CDH22: variants seen among roughly 807,000 people sequenced by gnomAD.
The protein encoded by CDH22 is cadherin 22, also known as cadherin-22.
Under a neutral mutation model 58.4 loss-of-function variants are expected in CDH22, and 30 were observed. That is an observed-to-expected ratio of 0.51 (90% CI 0.38 to 0.70). The LOEUF (loss-of-function observed/expected upper bound fraction) is 0.70, where lower values mean the gene tolerates loss of function less well. Ranked by LOEUF, CDH22 falls within the 30% of genes least tolerant of loss-of-function variation. CDH22 has a pLI of 0.00. For missense variants in CDH22, 1,014 were observed against 1,233.9 expected, an observed-to-expected ratio of 0.82 and a Z score of 2.67; for synonymous variants, 513 against 558.2, an observed-to-expected ratio of 0.92 and a Z score of 1.14.
rs2086648353 is a variant in CDH22 at position 46,300,870 on chromosome 20, G to A, written c.-400+7385C>T. ...GTTCATGGCAGAATTGTTTGTAATA[G>A]CGAAGGACTGGAAACAACCCAAATG... On this transcript the variant is annotated intron_variant, in intron 1 of 11. Transcript: ENST00000537909. This position sits in a 1 kb window ranked among gnomAD's most constrained non-coding sequence, Gnocchi z 4.4. Among the ~76,000 whole-genome samples the A allele has an allele frequency of 6.6e-6, 1 of 152,160 alleles. No homozygotes were observed. Among genetic ancestry groups the A allele is most frequent in the Admixed American group, 6.5e-5 (1 of 15,288 alleles).
intron 1 of CDH22, among the ~76,000 whole-genome samples, chr20:46,252,435 G>A (rs143803053): frequency 8.5e-5 from 13 of 152,296 alleles, no homozygotes; most frequent in African/African-American, 2.6e-4. Context: ...CCAGCCTGCC[G>A]TCCCCAGATC....
intron 4 of CDH22, among the ~76,000 whole-genome samples, chr20:46,224,051 C>A (rs8117314): frequency 6.6e-6 from 1 of 151,994 alleles, no homozygotes; most frequent in Non-Finnish European, 1.5e-5. Flanking sequence ...TCGGGTTTCA[C>A]CATGTTGGCC....
chr20:46,216,691 A>G lies in CDH22; in HGVS notation c.838+135T>C. 1 of 864,918 alleles carries G rather than the reference A, an allele frequency of 1.2e-6. No individual in the cohort carries two copies. 53.6% of individuals were successfully genotyped at this position (864,918 alleles called of 1,614,324 possible). A position where few individuals can be genotyped will look rare whatever the true frequency, so the allele number is the denominator to read the frequency against. The stretch of plus-strand genomic sequence containing the variant: ...GATAGCTGGTGGCTTGGGAGGACAG[A>G]CAGACAGACAGAAAGAGAGGGGGAA... On this transcript the variant is annotated intron_variant, in intron 5 of 11. Transcript: ENST00000537909. The surrounding 1 kb of genome is among the most constrained non-coding windows in gnomAD (Gnocchi z 5.3).
At chr20:46,304,117 AG>A (rs2145788391) in intron 1 of CDH22, among the ~76,000 whole-genome samples, 1 of 152,252 alleles carries the variant, frequency 6.6e-6, no homozygotes, top group South Asian at 2.1e-4. Flanking sequence ...CTCAAGGCAA[AG>A]GAAGAAGGAT....
intron 1 of CDH22, among the ~76,000 whole-genome samples, chr20:46,290,097 G>A (rs1009428441): frequency 6.6e-6 from 1 of 152,208 alleles, no homozygotes; most frequent in African/African-American, 2.4e-5. Flanking sequence ...GTGGTCAACT[G>A]GTTTTGAGAA....
At chr20:46,224,904 G>C (rs1487994474) in intron 4 of CDH22, among the ~76,000 whole-genome samples, 1 of 152,250 alleles carries the variant, frequency 6.6e-6, no homozygotes, top group Non-Finnish European at 1.5e-5. Context: ...TGTCAAGAAA[G>C]GGCGCAGGCT....
intron 8 of CDH22, among the ~76,000 whole-genome samples, chr20:46,187,749 T>C (rs2085836650): frequency 6.6e-6 from 1 of 152,150 alleles, no homozygotes; most frequent in East Asian, 1.9e-4. Context: ...TCATCACCAC[T>C]GCCATCCCCA....
rs760812002 is a variant in CDH22 at position 46,251,221 on chromosome 20, A to G, written c.74T>C (p.Leu25Pro). 6.8e-7 allele frequency: 1 copy of G among 1,466,726 alleles called. No individual in the cohort carries two copies. Among genetic ancestry groups the G allele is most frequent in the South Asian group, 1.3e-5 (1 of 75,164 alleles). 90.9% of individuals were successfully genotyped at this position (1,466,726 alleles called of 1,614,324 possible). Residue 25 changes from leucine to proline, a missense_variant, in exon 2 of 12, where the codon CTG becomes CCG. Leu to Pro is a moderately conservative substitution (Grantham distance 98, BLOSUM62 -3). Transcript: ENST00000537909. The surrounding 1 kb of genome is among the most constrained non-coding windows in gnomAD (Gnocchi z 6.7). ...CAGCAGCGTCGGCGGCGGCGGCAGC[A>G]GCAGCAGCAGCAGTAGCGCGGGGGA... ...ALSPALLLLL[L>P]LPPPPTLLGR...
rs2145784997 is a variant in CDH22, at chr20:46,300,390, C to T, written c.-400+7865G>A. Among the ~76,000 whole-genome samples, 1 of 152,304 alleles carries T rather than the reference C, an allele frequency of 6.6e-6. No homozygotes were observed. Among genetic ancestry groups the T allele is most frequent in the South Asian group, 2.1e-4 (1 of 4,826 alleles). Reference sequence around the variant, plus strand: ...TTGTCTACCCACTGACCTGGATCCACCTGCTTCTGCTTCCCATCCATCAGC... The same window carrying T: ...TTGTCTACCCACTGACCTGGATCCATCTGCTTCTGCTTCCCATCCATCAGC... On this transcript the variant is annotated intron_variant, in intron 1 of 11. Coordinates refer to ENST00000537909, the MANE Select transcript of CDH22 (RefSeq NM_021248.3). This position sits in a 1 kb window ranked among gnomAD's most constrained non-coding sequence, Gnocchi z 4.4.
chr20:46,221,041 G>T (rs540970407), intron 4 of CDH22, among the ~76,000 whole-genome samples: 6 of 152,282 alleles, frequency 3.9e-5, no homozygotes, highest in Admixed American at 3.3e-4. Context: ...GTATGCTGCG[G>T]CCTGTCCTCT....
intron 8 of CDH22, among the ~76,000 whole-genome samples, chr20:46,193,455 C>T (rs1301904201): frequency 1.3e-5 from 2 of 152,176 alleles, no homozygotes; most frequent in Non-Finnish European, 2.9e-5. Context: ...CATATGTTCC[C>T]CCGACTCCAT....
intron 3 of CDH22, among the ~76,000 whole-genome samples, chr20:46,237,360 A>G (rs1287803031): frequency 6.6e-6 from 1 of 152,108 alleles, no homozygotes; most frequent in African/African-American, 2.4e-5. Flanking sequence ...GAGTGGTTTA[A>G]TTTGCAAGCG....
intron 8 of CDH22, among the ~76,000 whole-genome samples, chr20:46,192,860 G>A (rs1158188184): frequency 6.6e-6 from 1 of 152,056 alleles, no homozygotes; most frequent in South Asian, 2.1e-4. Flanking sequence ...CTCCAGGGAA[G>A]GGGGTGTCAG....
chr20:46,199,151 T>C (rs2085933443), intron 8 of CDH22, among the ~76,000 whole-genome samples: 2 of 152,218 alleles, frequency 1.3e-5, no homozygotes, highest in Non-Finnish European at 2.9e-5. Flanking sequence ...AGACCAGCCC[T>C]ACCCCCTTGA....
rs147605149 is a variant in CDH22, at chr20:46,255,009, T to C, written c.-399-3316A>G. 4.6e-3 allele frequency among the ~76,000 whole-genome samples: 704 copies of C among 152,238 alleles called. 2 individuals carry two copies. The highest frequency in any genetic ancestry group is 0.031 in the Middle Eastern group (9 of 292). On this transcript the variant is annotated intron_variant, in intron 1 of 11. Transcript: ENST00000537909. The stretch of plus-strand genomic sequence containing the variant: ...GGCCTGGAGTCAGATCCCAACTTTA[T>C]ATATTTTTAAAATTTTATTTATTTA...
intron 5 of CDH22, among the ~76,000 whole-genome samples, chr20:46,215,441 A>G (rs2086077167): frequency 6.6e-6 from 1 of 152,220 alleles, no homozygotes; most frequent in Non-Finnish European, 1.5e-5. Flanking sequence ...AATGGATGAA[A>G]TTAGACTTGT....
intron 4 of CDH22, among the ~76,000 whole-genome samples, chr20:46,226,231 CCTTCTT>C (rs74176857): frequency 0.017 from 1,469 of 86,522 alleles, 35 homozygotes; most frequent in Non-Finnish European, 0.021. Context: ...TCTGGCAACA[CCTTCTT>C]CTTCTTCTTC....
At chr20:46,195,614 A>AC (rs113226361) in intron 8 of CDH22, among the ~76,000 whole-genome samples, 1,118 of 105,754 alleles carry the variant, frequency 0.011, 6 homozygotes, top group East Asian at 0.028. Context: ...TCTCCCCTAG[A>AC]CCCCCCCCCC....
chr20:46,220,215 C>T (rs1462987184), intron 4 of CDH22, among the ~76,000 whole-genome samples: 1 of 150,882 alleles, frequency 6.6e-6, no homozygotes, highest in Admixed American at 6.6e-5. Flanking sequence ...GGTAGATAAA[C>T]CAGAGAGAAA....
Sources: allele counts gnomAD v4.1 joint callset (sites outside exome capture counted in the v4.1 genomes callset), GRCh38; gene constraint gnomAD v4.1.1; non-coding constraint Gnocchi (gnomAD v3.1); transcripts MANE v1.5; gene names NCBI Gene and HGNC (gene_info 2026-07-23, HGNC 2026-07-21).